Variants in MICAL3 observed in about 807,000 individuals in gnomAD.
MICAL3 encodes the protein microtubule associated monooxygenase, calponin and LIM domain containing 3, also known as [F-actin]-monooxygenase MICAL3.
A neutral mutation model predicts 207.4 loss-of-function variants in MICAL3; 62 were observed. The ratio of observed to expected loss-of-function variants is 0.30; its 90% CI spans 0.24 to 0.37. MICAL3 has a LOEUF of 0.37. Ranked by LOEUF, MICAL3 falls within the 10% of genes least tolerant of loss-of-function variation. The pLI, the probability that MICAL3 is intolerant of heterozygous loss-of-function variation, is 1.00. For synonymous variants in MICAL3, 1,077 were observed against 1,069.3 expected (o/e 1.01, Z -0.14); for missense variants, 2,368 against 2,635.6 (o/e 0.90, Z 2.22).
At chr22:17,830,243 C>G (rs1922656316) in intron 21 of MICAL3, among the ~76,000 whole-genome samples, 1 of 152,090 alleles carries the variant, frequency 6.6e-6, no homozygotes, top group South Asian at 2.1e-4. Context: ...GTAGTGGTGT[C>G]CAGCCACTGC....
At chr22:17,887,984 T>C (rs1930078385) in intron 13 of MICAL3, among the ~76,000 whole-genome samples, 2 of 152,198 alleles carry the variant, frequency 1.3e-5, no homozygotes, top group Non-Finnish European at 2.9e-5. Flanking sequence ...CTTACAAGAA[T>C]ATATGGGCTG....
In MICAL3 at chr22:18,003,863, G is replaced by A. The variant is rs534829154; in HGVS notation, c.-75+20418C>T. Among the ~76,000 whole-genome samples, 168 of 152,030 alleles carry A rather than the reference G, an allele frequency of 1.1e-3. 1 individual carries two copies. Among genetic ancestry groups the A allele is most frequent in the African/African-American group, 3.8e-3 (156 of 41,458 alleles). ...CAGCTCACTGCAACCTCCGCCTCCC[G>A]GGTTCAACTGATTCTCCTGCCTCAG... On this transcript the variant is annotated intron_variant, in intron 1 of 31. Coordinates refer to ENST00000441493, the MANE Select transcript of MICAL3 (RefSeq NM_015241.3).
In MICAL3 at chr22:17,790,643, A is replaced by G. The variant is rs2061815888; in HGVS notation, c.*89T>C. 9 of 1,216,658 alleles carry G rather than the reference A, an allele frequency of 7.4e-6. No homozygotes were observed. Among genetic ancestry groups the G allele is most frequent in the Non-Finnish European group, 1.0e-5 (9 of 877,118 alleles). The allele number at this position is 1,216,658 out of a possible 1,614,324, so 75.4% of individuals were successfully genotyped here. ...TGAGCGTAAACTCCAAGGAGGTGCC[A>G]GGCCTCCTCAGATCGCGGCTCCGGG... On this transcript the variant is annotated 3_prime_UTR_variant, in exon 32 of 32. Transcript: ENST00000441493.
At chr22:17,915,470 T>C (rs1335577905) in intron 1 of MICAL3, among the ~76,000 whole-genome samples, 3 of 152,148 alleles carry the variant, frequency 2.0e-5, no homozygotes, top group Non-Finnish European at 2.9e-5. Context: ...GTGGGAAACA[T>C]GCAAGGTCCT....
chr22:17,834,502 G>A (rs896751862), intron 20 of MICAL3: 1 of 1,249,730 alleles, frequency 8.0e-7, no homozygotes, highest in Non-Finnish European at 1.0e-6. Context: ...GATCATTTGA[G>A]CCCAGGAGTT....
intron 1 of MICAL3, among the ~76,000 whole-genome samples, chr22:17,982,399 A>G (rs1181407247): frequency 6.6e-6 from 1 of 152,254 alleles, no homozygotes; most frequent in Non-Finnish European, 1.5e-5. Context: ...TTTCTTGGCC[A>G]GGCACGGTGG....
At chr22:17,812,139 G>C (rs2062055412) in intron 27 of MICAL3, among the ~76,000 whole-genome samples, 1 of 152,206 alleles carries the variant, frequency 6.6e-6, no homozygotes, top group Non-Finnish European at 1.5e-5. Context: ...AATGACAGAG[G>C]GTCCCCTGAA....
chr22:17,914,787 G>A (rs1285108708), intron 1 of MICAL3, among the ~76,000 whole-genome samples: 1 of 152,214 alleles, frequency 6.6e-6, no homozygotes, highest in African/African-American at 2.4e-5. Flanking sequence ...AAAAGGCTAA[G>A]CAACTAAAAC....
At chr22:17,842,260 C>T in intron 19 of MICAL3, 1 of 556,222 alleles carries the variant, frequency 1.8e-6, no homozygotes, top group Non-Finnish European at 3.2e-6. Context: ...TCTCCTTCAT[C>T]ACCCTGAACC....
chr22:17,953,016 T>A lies in MICAL3; in HGVS notation c.-74-46130A>T, dbSNP rs114161720. On this transcript the variant is annotated intron_variant, in intron 1 of 31. Transcript: ENST00000441493. ...GCAACTCTGCCTCCCATCCCTGACA[T>A]CGGGAAAGTGACGGCAACTTCAACC... 8.3e-3 allele frequency among the ~76,000 whole-genome samples: 1,263 copies of A among 152,268 alleles called. 16 individuals carry two copies. Among genetic ancestry groups the A allele is most frequent in the African/African-American group, 0.025 (1,058 of 41,554 alleles).
At chr22:17,896,427 T>C in intron 8 of MICAL3, 66 bp from the exon 9 acceptor site, 1 of 1,029,344 alleles carries the variant, frequency 9.7e-7, no homozygotes, top group Non-Finnish European at 1.5e-6. Context: ...AAAAATAAAC[T>C]AAGGAACAAA....
At chr22:18,016,486 TCTCC>T (rs1250736032) in intron 1 of MICAL3, among the ~76,000 whole-genome samples, 2 of 151,020 alleles carry the variant, frequency 1.3e-5, no homozygotes, top group African/African-American at 4.8e-5. Context: ...TCCTGAAAAG[TCTCC>T]CTCTGTGCCT....
At chr22:17,877,580 AGTTATGGAGGTTAGGGAG>A (rs1361659067) in intron 16 of MICAL3, among the ~76,000 whole-genome samples, 2 of 75,984 alleles carry the variant, frequency 2.6e-5, no homozygotes, top group African/African-American at 5.1e-5. Flanking sequence ...AGGTTAGGGA[AGTTATGGAGGTTAGGGAG>A]GTTATGGAGG....
At chr22:17,998,451 A>C (rs1922551699) in intron 1 of MICAL3, among the ~76,000 whole-genome samples, 1 of 152,098 alleles carries the variant, frequency 6.6e-6, no homozygotes, top group African/African-American at 2.4e-5. Context: ...CTTCAGAGAC[A>C]ATTAAGAATC....
In MICAL3 at chr22:17,791,273, C is replaced by T; in HGVS notation, c.5679G>A (p.Leu1893=). 6.2e-7 allele frequency: 1 copy of T among 1,613,830 alleles called. No homozygotes were observed. The highest frequency in any genetic ancestry group is 8.5e-7 in the Non-Finnish European group (1 of 1,179,850). ...AGMGKKDDPK[L]MQEWFKLVQE... ...GCACTAGCTTGAACCACTCCTGCAT[C>T]AGCTTGGGGTCGTCCTTCTTGCCCA... The change falls in exon 30 of 32, where the codon CTG becomes CTA. Residue 1893 remains leucine, a synonymous_variant. Transcript: ENST00000441493.
chr22:17,860,928 C>A (rs1926453711), intron 19 of MICAL3: 1 of 984,650 alleles, frequency 1.0e-6, no homozygotes, highest in Non-Finnish European at 1.2e-6. Flanking sequence ...ATTATAATTA[C>A]TATAATTTAG....
intron 12 of MICAL3, 136 bp downstream of exon 12, chr22:17,891,349 C>T (rs1011946403): frequency 8.5e-6 from 6 of 705,856 alleles, no homozygotes; most frequent in Non-Finnish European, 9.6e-6. Flanking sequence ...ATAGTGAAAT[C>T]AAAATCACTG....
At chr22:17,987,905 C>T (rs1166440705) in intron 1 of MICAL3, among the ~76,000 whole-genome samples, 1 of 152,214 alleles carries the variant, frequency 6.6e-6, no homozygotes, top group Non-Finnish European at 1.5e-5. Flanking sequence ...TGCACTCCTC[C>T]TGCAACTTCT....
At chr22:17,881,271 G>A in intron 16 of MICAL3, 1 of 1,611,120 alleles carries the variant, frequency 6.2e-7, no homozygotes. Flanking sequence ...TCACTTTTTT[G>A]GGGCAGGTCC....
Sources: allele counts gnomAD v4.1 joint callset (sites outside exome capture counted in the v4.1 genomes callset), GRCh38; gene constraint gnomAD v4.1.1; transcripts MANE v1.5; gene names NCBI Gene and HGNC (gene_info 2026-07-23, HGNC 2026-07-21).